The following NOL9 variants were observed in gnomAD, a reference collection of about 807,000 sequenced individuals.
NOL9 encodes the protein polynucleotide 5'-hydroxyl-kinase NOL9.
In NOL9, 28 loss-of-function variants were observed where a neutral mutation model predicts 67.9. The observed-to-expected ratio is 0.41, with a 90% CI of 0.31 to 0.57. The LOEUF is 0.57. Ranked by LOEUF, NOL9 falls within the 20% of genes least tolerant of loss-of-function variation. The pLI is 0.25. For synonymous variants in NOL9, 356 were observed against 352.2 expected (o/e 1.01, Z -0.12); for missense variants, 777 against 897.0 (o/e 0.87, Z 1.71).
chr1:6,530,168 T>C (rs947423703), intron 9 of NOL9, among the ~76,000 whole-genome samples: 6 of 151,846 alleles, frequency 4.0e-5, no homozygotes, highest in African/African-American at 1.5e-4. Flanking sequence ...AAAAAATAAA[T>C]GTGGGCCGGG....
chr1:6,537,654 G>C (rs1272449910), intron 6 of NOL9, among the ~76,000 whole-genome samples: 1 of 152,086 alleles, frequency 6.6e-6, no homozygotes, highest in African/African-American at 2.4e-5. Flanking sequence ...TGATGAAACA[G>C]AAACGGAACC....
At chr1:6,541,975 T>C (rs1419020183) in intron 5 of NOL9, 48 bp from the exon 6 acceptor site, 1 of 1,226,646 alleles carries the variant, frequency 8.2e-7, no homozygotes, top group East Asian at 2.4e-5. Flanking sequence ...TAACTAGCTT[T>C]ACTCAGTAGA....
chr1:6,544,102 G>T (rs1422113588), intron 5 of NOL9, among the ~76,000 whole-genome samples: 2 of 151,936 alleles, frequency 1.3e-5, no homozygotes, highest in African/African-American at 4.8e-5. Context: ...CTCCAGCCTG[G>T]GTGAGTGAAA....
intron 5 of NOL9, among the ~76,000 whole-genome samples, chr1:6,544,173 CGTGGGAGGCTGAA>C (rs1639363233): frequency 6.6e-6 from 1 of 151,646 alleles, no homozygotes; most frequent in African/African-American, 2.4e-5. Context: ...GTCCCTGCTA[CGTGGGAGGCTGAA>C]GTGGGAGGAC....
chr1:6,551,775 T>C (rs975368689), intron 1 of NOL9, among the ~76,000 whole-genome samples: 14 of 152,112 alleles, frequency 9.2e-5, no homozygotes, highest in Non-Finnish European at 4.4e-5. Context: ...CTCACGCCTG[T>C]AATCCCAGCA....
chr1:6,540,350 C>T (rs1175778965), intron 6 of NOL9, among the ~76,000 whole-genome samples: 1 of 151,796 alleles, frequency 6.6e-6, no homozygotes, highest in Non-Finnish European at 1.5e-5. Context: ...TCTCGATCTC[C>T]TAACCTCGTG....
intron 3 of NOL9, among the ~76,000 whole-genome samples, chr1:6,546,330 G>T (rs1639421522): frequency 6.6e-6 from 1 of 152,174 alleles, no homozygotes; most frequent in Admixed American, 6.5e-5. Flanking sequence ...CAAGGCTTGA[G>T]AACAGGCAAT....
At chr1:6,553,908 C>T (rs910422792) in intron 1 of NOL9, among the ~76,000 whole-genome samples, 199 bp downstream of exon 1, 26 of 152,110 alleles carry the variant, frequency 1.7e-4, no homozygotes, top group African/African-American at 6.0e-4. Flanking sequence ...GCCTAGGGAC[C>T]CCTTAGCAGG....
rs1638785949 is a variant in NOL9 at position 6,522,254 on chromosome 1, A to G, written c.*3600T>C. 1 of 151,948 alleles carries G rather than the reference A, an allele frequency of 6.6e-6. No homozygotes were observed. Among genetic ancestry groups the G allele is most frequent in the African/African-American group, 2.4e-5 (1 of 41,334 alleles). The allele number at this position is 151,948 out of a possible 1,614,324, so 9.4% of individuals were successfully genotyped here. A position where few individuals can be genotyped will look rare whatever the true frequency, so the allele number is the denominator to read the frequency against. The stretch of plus-strand genomic sequence containing the variant: ...CCGGATACTTTGAAAATTACATACA[A>G]AAATTACTAAGAGGCCCAGGCACAG... On this transcript the variant is annotated 3_prime_UTR_variant, in exon 12 of 12. Coordinates refer to ENST00000377705, the MANE Select transcript of NOL9 (RefSeq NM_024654.5).
At chr1:6,550,129 T>C (rs1465935075) in intron 2 of NOL9, among the ~76,000 whole-genome samples, 1 of 152,134 alleles carries the variant, frequency 6.6e-6, no homozygotes, top group Non-Finnish European at 1.5e-5. Context: ...CCTCCCGGGT[T>C]CAAGCGATTC....
In NOL9 at chr1:6,541,819, G is replaced by A; in HGVS notation, c.1075+11C>T. On this transcript the variant is annotated intron_variant, in intron 6 of 11. Transcript: ENST00000377705. ...TAAAACCAAGACATTTGAGAAATAT[G>A]TAATACATACCCAGAACTGGTTCTG... 2.0e-6 allele frequency: 3 copies of A among 1,499,836 alleles called. No individual in the cohort carries two copies. Among genetic ancestry groups the A allele is most frequent in the Non-Finnish European group, 2.7e-6 (3 of 1,097,732 alleles). The allele number at this position is 1,499,836 out of a possible 1,614,324, so 92.9% of individuals were successfully genotyped here.
chr1:6,534,990 GA>G (rs1196699226), intron 6 of NOL9, among the ~76,000 whole-genome samples: 1 of 152,112 alleles, frequency 6.6e-6, no homozygotes, highest in Non-Finnish European at 1.5e-5. Flanking sequence ...TTTTTTAGTA[GA>G]GATGAGGTTT....
In NOL9 at chr1:6,525,868, G is replaced by A. The variant is rs761321941; in HGVS notation, c.2095C>T (p.Arg699Ter). 17 of 1,613,744 alleles carry A rather than the reference G, an allele frequency of 1.1e-5. No individual in the cohort carries two copies. The highest frequency in any genetic ancestry group is 1.6e-4 in the Middle Eastern group (1 of 6,082). The change falls in exon 12 of 12, where the codon CGA becomes TGA. Residue 699 changes from arginine to a stop codon, truncating the protein, a stop_gained. Transcript: ENST00000377705. LOFTEE classifies it high-confidence loss of function. ...AAACGCGAGCATCACTTCATTTTTC[G>A]ACAGAACTTAGGTCTTCGGTATGGT... ...EKPYRRPKFC[R>*]KMK
At chr1:6,530,312 G>C (rs560349369) in intron 9 of NOL9, among the ~76,000 whole-genome samples, 261 of 151,762 alleles carry the variant, frequency 1.7e-3, no homozygotes, top group African/African-American at 5.8e-3. Flanking sequence ...AGATTAGCTG[G>C]GCGTGGTGGC....
chr1:6,535,352 A>G (rs1251099989), intron 6 of NOL9, among the ~76,000 whole-genome samples: 1 of 152,140 alleles, frequency 6.6e-6, no homozygotes, highest in African/African-American at 2.4e-5. Context: ...AAGGCTATGG[A>G]AGAGAAAGTG....
At position 6,554,149 on chromosome 1, in the gene NOL9, G is replaced by C; in HGVS notation, c.354C>G (p.Pro118=). Residue 118 remains proline (P), a synonymous_variant, in exon 1 of 12, where the codon CCC becomes CCG. Coordinates refer to ENST00000377705, the MANE Select transcript of NOL9 (RefSeq NM_024654.5). The part of the protein sequence containing the change: ...HRPLLIPPVR[P]VGPGRALLLL... ...GCAGCAACGCGCGGCCGGGGCCCAC[G>C]GGCCGCACCGGTGGGATGAGGAGAG... 7.2e-6 allele frequency: 11 copies of C among 1,530,310 alleles called. No individual in the cohort carries two copies. The highest frequency in any genetic ancestry group is 9.7e-6 in the Non-Finnish European group (11 of 1,138,184). 94.8% of individuals were successfully genotyped at this position (1,530,310 alleles called of 1,614,324 possible). A position where few individuals can be genotyped will look rare whatever the true frequency, so the allele number is the denominator to read the frequency against.
intron 10 of NOL9, among the ~76,000 whole-genome samples, chr1:6,527,238 C>T (rs1638907065): frequency 1.0e-5 from 1 of 99,832 alleles, no homozygotes; most frequent in Admixed American, 1.4e-4. Context: ...CAGAGTGAGA[C>T]TGTCTCAAAA....
intron 6 of NOL9, among the ~76,000 whole-genome samples, chr1:6,538,482 G>A (rs1451438155): frequency 6.6e-6 from 1 of 152,154 alleles, no homozygotes; most frequent in Non-Finnish European, 1.5e-5. Context: ...GACCAGCCTG[G>A]CCAACATGGT....
intron 9 of NOL9, among the ~76,000 whole-genome samples, chr1:6,531,657 G>A (rs1053063902): frequency 6.6e-6 from 1 of 152,158 alleles, no homozygotes; most frequent in Non-Finnish European, 1.5e-5. Context: ...CCTGCGACCA[G>A]ATGGGACATT....
Sources: gnomAD v4.1 joint callset for allele counts (sites outside exome capture counted in the v4.1 genomes callset) on GRCh38, gnomAD v4.1.1 for gene constraint, MANE v1.5 for transcripts, NCBI Gene and HGNC (gene_info 2026-07-23, HGNC 2026-07-21) for gene names.